The following CNBD1 variants were observed in gnomAD, a reference collection of about 807,000 sequenced individuals.
CNBD1 encodes cyclic nucleotide-binding domain-containing protein 1.
Under a neutral mutation model 54.4 loss-of-function variants are expected in CNBD1, and 71 were observed. The observed-to-expected ratio is 1.30, with a 90% CI of 1.08 to 1.59. The LOEUF (loss-of-function observed/expected upper bound fraction) is 1.59. Among genes scored for constraint, CNBD1 ranks in the 40% most tolerant of loss-of-function variants. The pLI, the probability that CNBD1 is intolerant of heterozygous loss-of-function variation, is 0.00. For synonymous variants in CNBD1, 182 were observed against 170.7 expected, an observed-to-expected ratio of 1.07 and a Z score of -0.51; for missense variants, 659 against 518.0, an observed-to-expected ratio of 1.27 and a Z score of -2.64.
intron 8 of CNBD1, among the ~76,000 whole-genome samples, chr8:87,342,402 A>G (rs931446086): frequency 6.6e-6 from 1 of 152,146 alleles, no homozygotes; most frequent in Non-Finnish European, 1.5e-5. Context: ...TGTATTCTTT[A>G]ATTAGAGTAT....
intron 6 of CNBD1, among the ~76,000 whole-genome samples, chr8:87,276,715 C>T (rs1031198603): frequency 5.3e-5 from 8 of 151,728 alleles, no homozygotes; most frequent in African/African-American, 1.9e-4. Context: ...TCAAGGGAAC[C>T]AAGATTAGAG....
intron 3 of CNBD1, among the ~76,000 whole-genome samples, chr8:86,934,737 C>T (rs145179409): frequency 2.0e-4 from 31 of 152,156 alleles, no homozygotes; most frequent in South Asian, 6.2e-4. Context: ...TTTTTCCTTA[C>T]GTATTTTGTT....
intron 10 of CNBD1, among the ~76,000 whole-genome samples, chr8:87,354,437 G>C (rs993224330): frequency 1.3e-5 from 2 of 151,614 alleles, no homozygotes; most frequent in Admixed American, 6.6e-5. Flanking sequence ...TTAAGTTTTA[G>C]GGTACATGTG....
intron 3 of CNBD1, among the ~76,000 whole-genome samples, chr8:86,910,274 A>T (rs528272617): frequency 6.6e-6 from 1 of 152,270 alleles, no homozygotes; most frequent in Non-Finnish European, 1.5e-5. Flanking sequence ...CGGACTCTCT[A>T]CTTCTCATCC....
chr8:87,194,409 A>T (rs1390243650), intron 4 of CNBD1, among the ~76,000 whole-genome samples: 2 of 152,240 alleles, frequency 1.3e-5, no homozygotes, highest in Non-Finnish European at 2.9e-5. Flanking sequence ...AGTTGTAAAA[A>T]TAGATCATTA....
intron 10 of CNBD1, among the ~76,000 whole-genome samples, chr8:87,371,093 G>C (rs2130948022): frequency 6.6e-6 from 1 of 151,336 alleles, no homozygotes; most frequent in African/African-American, 2.4e-5. Context: ...CTATATCTCT[G>C]TTTTGGTACC....
At chr8:87,015,654 G>GTAA in intron 4 of CNBD1, among the ~76,000 whole-genome samples, 1 of 151,878 alleles carries the variant, frequency 6.6e-6, no homozygotes, top group African/African-American at 2.4e-5. Context: ...ACTAATCTAA[G>GTAA]GGAAAAAAAT....
chr8:87,375,598 C>T (rs1810911503), intron 10 of CNBD1, among the ~76,000 whole-genome samples: 1 of 151,672 alleles, frequency 6.6e-6, no homozygotes, highest in Admixed American at 6.6e-5. Flanking sequence ...ATCATAGGAA[C>T]CGAATCAAGG....
At chr8:87,271,650 G>A (rs1171302855) in intron 6 of CNBD1, among the ~76,000 whole-genome samples, 1 of 151,994 alleles carries the variant, frequency 6.6e-6, no homozygotes, top group African/African-American at 2.4e-5. Context: ...CTTGTACACT[G>A]TTGATGAGAA....
intron 4 of CNBD1, among the ~76,000 whole-genome samples, chr8:86,993,299 A>C (rs1443070417): frequency 6.6e-6 from 1 of 151,820 alleles, no homozygotes; most frequent in Non-Finnish European, 1.5e-5. Context: ...ATTTTTTTCA[A>C]TTCCAGAAGA....
At chr8:87,331,969 T>A (rs1389882735) in intron 8 of CNBD1, among the ~76,000 whole-genome samples, 1 of 152,106 alleles carries the variant, frequency 6.6e-6, no homozygotes, top group Admixed American at 6.5e-5. Flanking sequence ...TAGACATTTG[T>A]CAAATGGGTA....
intron 10 of CNBD1, among the ~76,000 whole-genome samples, chr8:87,378,717 G>A (rs1811004568): frequency 6.6e-6 from 1 of 150,958 alleles, no homozygotes; most frequent in African/African-American, 2.5e-5. Context: ...TGATGGAGAT[G>A]GCATTGAATC....
chr8:87,354,699 T>C (rs1810388858), intron 10 of CNBD1, among the ~76,000 whole-genome samples: 1 of 152,110 alleles, frequency 6.6e-6, no homozygotes, highest in South Asian at 2.1e-4. Context: ...GAATGATAGT[T>C]TCCAGCTTCA....
chr8:87,283,499 C>T (rs548861589), intron 6 of CNBD1, among the ~76,000 whole-genome samples: 2 of 151,970 alleles, frequency 1.3e-5, no homozygotes, highest in African/African-American at 4.8e-5. Context: ...TTCCTGGATC[C>T]TAGGAGTTTT....
At chr8:87,425,880 A>T (rs1449168873) in intron 2 of CNBD1, among the ~76,000 whole-genome samples, 2 of 152,084 alleles carry the variant, frequency 1.3e-5, no homozygotes, top group Non-Finnish European at 2.9e-5. Context: ...TTGTTTACCT[A>T]ATCAAGCCTG....
chr8:86,927,604 CA>C (rs1234384030), intron 3 of CNBD1, among the ~76,000 whole-genome samples: 1 of 152,062 alleles, frequency 6.6e-6, no homozygotes, highest in Admixed American at 6.6e-5. Context: ...AAAGTTAAGA[CA>C]GTAAACATGG....
intron 3 of CNBD1, among the ~76,000 whole-genome samples, chr8:86,910,755 A>C (rs1809089029): frequency 6.6e-6 from 1 of 152,212 alleles, no homozygotes; most frequent in African/African-American, 2.4e-5. Flanking sequence ...TGACCACGGA[A>C]AACTAGGACG....
At chr8:87,381,429 G>T (rs149218064) in intron 10 of CNBD1, among the ~76,000 whole-genome samples, 6 of 152,004 alleles carry the variant, frequency 3.9e-5, no homozygotes, top group South Asian at 2.1e-4. Context: ...CTCTGTTAAT[G>T]GGAGCACAAA....
chr8:87,368,656 G>C (rs1179224052), intron 10 of CNBD1, among the ~76,000 whole-genome samples: 1 of 151,904 alleles, frequency 6.6e-6, no homozygotes, highest in Non-Finnish European at 1.5e-5. Context: ...GGGAGAGAGA[G>C]TGAGAGAGAG....
Sources: gnomAD v4.1 joint callset for allele counts (sites outside exome capture counted in the v4.1 genomes callset) on GRCh38, gnomAD v4.1.1 for gene constraint, MANE v1.5 for transcripts, NCBI Gene and HGNC (gene_info 2026-07-23, HGNC 2026-07-21) for gene names.